The following MAP2K4 variants were observed in gnomAD, a reference collection of about 807,000 sequenced individuals.
MAP2K4 encodes the protein mitogen-activated protein kinase kinase 4, also known as dual specificity mitogen-activated protein kinase kinase 4.
MAP2K4 carries 4 observed loss-of-function variants against 48.5 expected under a neutral mutation model. The ratio of observed to expected loss-of-function variants is 0.08; its 90% CI spans 0.04 to 0.19. The LOEUF is 0.19. MAP2K4 is among the 10% of genes least tolerant of loss of function. MAP2K4 has a pLI of 1.00. For synonymous variants in MAP2K4, 166 were observed against 173.1 expected, an observed-to-expected ratio of 0.96 and a Z score of 0.32; for missense variants, 258 against 493.3, an observed-to-expected ratio of 0.52 and a Z score of 4.52.
At chr17:12,049,316 C>T (rs1970061689) in intron 1 of MAP2K4, among the ~76,000 whole-genome samples, 1 of 152,196 alleles carries the variant, frequency 6.6e-6, no homozygotes, top group African/African-American at 2.4e-5. Context: ...ATGACTTGTA[C>T]ACTGCAGTTC....
Position 12,139,247 on chromosome 17 carries a change from A to G in MAP2K4, c.1041-592A>G, listed in dbSNP as rs28921100. ...TTTGGCAGCTTTAATTAGGCAAGGT[A>G]GAATTCAAGGAGAAAATGTCAACAG... On this transcript the variant is annotated intron_variant, in intron 9 of 10. Transcript: ENST00000353533. 6.2e-3 allele frequency among the ~76,000 whole-genome samples: 946 copies of G among 152,358 alleles called. 2 individuals carry two copies. Among genetic ancestry groups the G allele is most frequent in the East Asian group, 0.036 (187 of 5,190 alleles).
At chr17:12,034,614 G>T (rs544006616) in intron 1 of MAP2K4, among the ~76,000 whole-genome samples, 9 of 152,330 alleles carry the variant, frequency 5.9e-5, no homozygotes, top group African/African-American at 1.9e-4. Context: ...GTACAGAAAT[G>T]AATGGAATAG....
At chr17:12,068,887 A>G (rs1970700669) in intron 2 of MAP2K4, among the ~76,000 whole-genome samples, 1 of 152,110 alleles carries the variant, frequency 6.6e-6, no homozygotes, top group Admixed American at 6.5e-5. Context: ...TGGAGATAAA[A>G]AGTTGAAAAT....
chr17:12,077,758 T>TA (rs1475044120), intron 2 of MAP2K4, among the ~76,000 whole-genome samples: 2 of 152,194 alleles, frequency 1.3e-5, no homozygotes, highest in African/African-American at 2.4e-5. Flanking sequence ...GCCTGCAAAA[T>TA]ACCACATACT....
chr17:12,130,205 A>G (rs926890598), intron 9 of MAP2K4, among the ~76,000 whole-genome samples: 5 of 152,146 alleles, frequency 3.3e-5, no homozygotes, highest in African/African-American at 7.2e-5. Flanking sequence ...AAATTTAAAA[A>G]TATTTGTTTG....
At chr17:12,083,889 G>T (rs528153225) in intron 3 of MAP2K4, among the ~76,000 whole-genome samples, 13 of 152,180 alleles carry the variant, frequency 8.5e-5, no homozygotes, top group African/African-American at 3.1e-4. Flanking sequence ...TGAGACGGTG[G>T]TTCACACAGC....
chr17:12,100,810 T>C (rs1971913181), intron 4 of MAP2K4, among the ~76,000 whole-genome samples: 3 of 152,276 alleles, frequency 2.0e-5, no homozygotes, highest in Admixed American at 6.5e-5. Context: ...TTCTAATGAC[T>C]AACAGTGTTG....
chr17:12,056,115 G>T lies in MAP2K4; in HGVS notation c.218+1124G>T, dbSNP rs962569809. Among the ~76,000 whole-genome samples, 31 of 152,050 alleles carry T rather than the reference G, an allele frequency of 2.0e-4. 1 individual carries two copies. The highest frequency in any genetic ancestry group is 1.8e-3 in the Admixed American group (27 of 15,264). On this transcript the variant is annotated intron_variant, in intron 2 of 10. Coordinates refer to ENST00000353533, the MANE Select transcript of MAP2K4 (RefSeq NM_003010.4). ...CCTCCTTCCTTATTTCTTAGAATTT[G>T]TAGTGAAAGCTAGTGCAAAACTAAT...
In MAP2K4 at chr17:12,048,591, A is replaced by G. The variant is rs190260812; in HGVS notation, c.116-6298A>G. On this transcript the variant is annotated intron_variant, in intron 1 of 10. Coordinates refer to ENST00000353533, the MANE Select transcript of MAP2K4 (RefSeq NM_003010.4). ...ATATTAGCTGATAGCAGCTCACTTA[A>G]TACATGGATATATGGAATACCTGAT... Among the ~76,000 whole-genome samples the G allele has an allele frequency of 3.0e-3, 455 of 152,254 alleles. 1 individual carries two copies. Among genetic ancestry groups the G allele is most frequent in the Middle Eastern group, 0.017 (5 of 294 alleles).
intron 1 of MAP2K4, among the ~76,000 whole-genome samples, chr17:12,048,053 A>G (rs1383699833): frequency 1.3e-5 from 2 of 151,618 alleles, no homozygotes; most frequent in Non-Finnish European, 2.9e-5. Context: ...TTTTTTTTTG[A>G]GACAGGATCT....
At chr17:12,040,714 A>G (rs1036853718) in intron 1 of MAP2K4, among the ~76,000 whole-genome samples, 1 of 152,194 alleles carries the variant, frequency 6.6e-6, no homozygotes, top group Non-Finnish European at 1.5e-5. Context: ...ATCAAAAGTC[A>G]GTTTGGTGAG....
chr17:12,122,855 A>G (rs1196366995), intron 7 of MAP2K4, among the ~76,000 whole-genome samples: 1 of 152,080 alleles, frequency 6.6e-6, no homozygotes, highest in Admixed American at 6.6e-5. Context: ...TGGGTTTTAC[A>G]TTTTGTCAGA....
chr17:12,121,606 G>C (rs1400195590), intron 7 of MAP2K4, among the ~76,000 whole-genome samples: 4 of 148,854 alleles, frequency 2.7e-5, no homozygotes, highest in African/African-American at 9.8e-5. Context: ...ATTCCACATT[G>C]ATTTTAATTG....
intron 10 of MAP2K4, 103 bp downstream of exon 10, chr17:12,139,987 C>T (rs990386745): frequency 1.5e-6 from 1 of 652,612 alleles, no homozygotes; most frequent in African/African-American, 1.9e-5. Flanking sequence ...CATAAACAAA[C>T]ATCTCAAATT....
chr17:12,039,269 G>A (rs566061232), intron 1 of MAP2K4, among the ~76,000 whole-genome samples: 2 of 152,266 alleles, frequency 1.3e-5, no homozygotes, highest in South Asian at 4.1e-4. Flanking sequence ...AACTTTGTGA[G>A]GACAGACTGT....
At position 12,044,293 on chromosome 17, in the gene MAP2K4, G is replaced by A. The variant is rs115499449; in HGVS notation, c.116-10596G>A. On this transcript the variant is annotated intron_variant, in intron 1 of 10. Transcript: ENST00000353533. ...CTACTGGATTGGTGATTTTTCTGTC[G>A]TGAAAAGGATGAACATGGTTTGTTT... Among the ~76,000 whole-genome samples, 1,356 of 152,244 alleles carry A rather than the reference G, an allele frequency of 8.9e-3. 20 individuals carry two copies. The highest frequency in any genetic ancestry group is 0.031 in the African/African-American group (1,287 of 41,542).
intron 2 of MAP2K4, among the ~76,000 whole-genome samples, chr17:12,058,920 G>C (rs1472954665): frequency 6.6e-6 from 1 of 152,060 alleles, no homozygotes; most frequent in African/African-American, 2.4e-5. Flanking sequence ...TTTTAAACTA[G>C]AGTTCCTTCT....
At chr17:12,104,034 T>G (rs1972028827) in intron 4 of MAP2K4, among the ~76,000 whole-genome samples, 1 of 152,210 alleles carries the variant, frequency 6.6e-6, no homozygotes, top group Non-Finnish European at 1.5e-5. Context: ...CATATGTCCC[T>G]GGAAATACAG....
At chr17:12,035,810 T>C (rs753945664) in intron 1 of MAP2K4, among the ~76,000 whole-genome samples, 5 of 152,152 alleles carry the variant, frequency 3.3e-5, no homozygotes, top group Non-Finnish European at 7.3e-5. Flanking sequence ...CTATCACAAA[T>C]AAAAAAGATT....
Sources: allele counts gnomAD v4.1 joint callset (sites outside exome capture counted in the v4.1 genomes callset), GRCh38; gene constraint gnomAD v4.1.1; transcripts MANE v1.5; gene names NCBI Gene and HGNC (gene_info 2026-07-23, HGNC 2026-07-21).